Variants in NOX3 observed in about 807,000 individuals in gnomAD.
NOX3 encodes the protein NADPH oxidase catalytic subunit-like 3.
NOX3 carries 74 observed loss-of-function variants against 76.7 expected under a neutral mutation model. The ratio of observed to expected loss-of-function variants is 0.96; its 90% CI spans 0.80 to 1.17. The LOEUF (loss-of-function observed/expected upper bound fraction) is 1.17. Among genes scored for constraint, NOX3 ranks in the 50% most tolerant of loss-of-function variants. The probability of loss-of-function intolerance (pLI) is 0.00; values close to 1 mark genes in which losing one functional copy is unlikely to be tolerated. For missense variants in NOX3, 695 were observed against 703.3 expected, an observed-to-expected ratio of 0.99 and a Z score of 0.13; for synonymous variants, 263 against 261.1, an observed-to-expected ratio of 1.01 and a Z score of -0.07.
At chr6:155,396,066 A>T (rs1779134502) in intron 13 of NOX3, among the ~76,000 whole-genome samples, 1 of 152,184 alleles carries the variant, frequency 6.6e-6, no homozygotes, top group Non-Finnish European at 1.5e-5. Flanking sequence ...TTTTAAAAGG[A>T]TGTGAAGAGA....
chr6:155,407,362 T>A, intron 11 of NOX3, 108 bp from the exon 12 acceptor site: 2 of 1,080,238 alleles, frequency 1.9e-6, no homozygotes, highest in Non-Finnish European at 2.6e-6. Flanking sequence ...TAAAAATGTG[T>A]ACAGGGCTGG....
chr6:155,398,504 G>A (rs1779169685), intron 12 of NOX3, among the ~76,000 whole-genome samples: 1 of 152,204 alleles, frequency 6.6e-6, no homozygotes, highest in African/African-American at 2.4e-5. Context: ...AGTAGAAATT[G>A]ATGGTTCCCC....
At position 155,443,418 on chromosome 6, in the gene NOX3, G is replaced by T; in HGVS notation, c.341C>A (p.Thr114Asn). ...GAAGAAATGCGCCACGATGTGGATG[G>T]CTAGGACAAGGAGATGACACCAAAC... ...LVAYGIAVNATIHIVAHFFNL... is the reference protein window; with the variant it reads ...LVAYGIAVNANIHIVAHFFNL... Residue 114 changes from threonine to asparagine, a missense_variant and splice_region_variant, in exon 5 of 14, where the codon ACC (threonine) becomes AAC (asparagine). Thr to Asn is a moderately conservative substitution (Grantham distance 65, BLOSUM62 0). Transcript: ENST00000159060. 6.2e-7 allele frequency: 1 copy of T among 1,613,690 alleles called. No homozygotes were observed. The highest frequency in any genetic ancestry group is 8.5e-7 in the Non-Finnish European group (1 of 1,179,748).
rs367997156 is a variant in NOX3, at chr6:155,443,803, A to C, written c.341-385T>G. On this transcript the variant is annotated intron_variant, in intron 4 of 13. Transcript: ENST00000159060. ...AAAGCATTATTCTAGAGTACTGTACATTATACATGCTGATATGTATGTATA... is the reference window on the plus strand; with the variant it reads ...AAAGCATTATTCTAGAGTACTGTACCTTATACATGCTGATATGTATGTATA... Among the ~76,000 whole-genome samples, 5 of 152,074 alleles carry C rather than the reference A, an allele frequency of 3.3e-5. No homozygotes were observed. In the East Asian group the frequency reaches 9.7e-4, roughly 29 times the overall value.
intron 8 of NOX3, among the ~76,000 whole-genome samples, chr6:155,430,531 C>T (rs1359747476): frequency 6.6e-6 from 1 of 151,892 alleles, no homozygotes; most frequent in Non-Finnish European, 1.5e-5. Context: ...CACTATGACC[C>T]ATGTAAAGTA....
At chr6:155,448,201 C>CTG (rs1388120278) in intron 4 of NOX3, among the ~76,000 whole-genome samples, 2 of 152,142 alleles carry the variant, frequency 1.3e-5, no homozygotes, top group Admixed American at 1.3e-4. Context: ...CCCCTTCCAG[C>CTG]TGTGTGGCTC....
intron 7 of NOX3, among the ~76,000 whole-genome samples, chr6:155,431,895 C>T (rs939511745): frequency 2.6e-5 from 4 of 152,096 alleles, no homozygotes; most frequent in Non-Finnish European, 5.9e-5. Flanking sequence ...TTACCAGGAC[C>T]CCAGGCTACC....
intron 12 of NOX3, among the ~76,000 whole-genome samples, chr6:155,397,911 CTA>C (rs1385807674): frequency 6.6e-6 from 1 of 152,108 alleles, no homozygotes; most frequent in Non-Finnish European, 1.5e-5. Flanking sequence ...TTTCAGAAAA[CTA>C]TGTCAGAGAG....
Position 155,440,165 on chromosome 6 carries a change from GAAAC to G in NOX3, c.487-32_487-29del, listed in dbSNP as rs749296758. The G allele has an allele frequency of 1.4e-5, 20 of 1,471,834 alleles. No homozygotes were observed. The Admixed American group carries it at 2.6e-4, about 19-fold the overall frequency. 91.2% of individuals were successfully genotyped at this position (1,471,834 alleles called of 1,614,324 possible). ...AAAAAAAACAACAACAACAAAAAAA[GAAAC>G]AAACAAAAAAAAACACCTTGACATT... On this transcript the variant is annotated intron_variant, in intron 5 of 13. Transcript: ENST00000159060.
At chr6:155,445,969 A>ATATATATGCTATAT (rs1380551108) in intron 4 of NOX3, among the ~76,000 whole-genome samples, 1 of 96,662 alleles carries the variant, frequency 1.0e-5, no homozygotes, top group African/African-American at 4.2e-5. Context: ...ATATATATAT[A>ATATATATGCTATAT]ATATATATAT....
intron 10 of NOX3, among the ~76,000 whole-genome samples, chr6:155,413,942 T>C (rs774776289): frequency 1.3e-5 from 2 of 152,246 alleles, no homozygotes; most frequent in Non-Finnish European, 2.9e-5. Context: ...ATCCCCATCT[T>C]AGCTTCCTCC....
intron 12 of NOX3, among the ~76,000 whole-genome samples, chr6:155,405,440 G>A (rs1776437145): frequency 6.6e-6 from 1 of 152,078 alleles, no homozygotes; most frequent in African/African-American, 2.4e-5. Flanking sequence ...TGCCTGTCTG[G>A]TCATCTCATC....
At chr6:155,435,525 T>G (rs112828546) in intron 7 of NOX3, among the ~76,000 whole-genome samples, 1 of 50,096 alleles carries the variant, frequency 2.0e-5, no homozygotes, top group East Asian at 1.2e-3. Flanking sequence ...TATTTGAGGG[T>G]TTTTTTTTTA....
chr6:155,446,038 A>C (rs1428413233), intron 4 of NOX3, among the ~76,000 whole-genome samples: 4 of 148,672 alleles, frequency 2.7e-5, no homozygotes, highest in Non-Finnish European at 5.9e-5. Context: ...CTTTAAGTTG[A>C]AAATCAAGTC....
At chr6:155,445,659 A>C (rs1352737362) in intron 4 of NOX3, among the ~76,000 whole-genome samples, 1 of 151,990 alleles carries the variant, frequency 6.6e-6, no homozygotes, top group Non-Finnish European at 1.5e-5. Context: ...TTACTGTTGC[A>C]GTATCTATTT....
At chr6:155,451,557 T>C (rs1777140223) in intron 4 of NOX3, among the ~76,000 whole-genome samples, 1 of 152,220 alleles carries the variant, frequency 6.6e-6, no homozygotes, top group South Asian at 2.1e-4. Flanking sequence ...GAAATGTACA[T>C]GCCCAAAAGT....
chr6:155,415,710 C>A (rs1226580962), intron 10 of NOX3, among the ~76,000 whole-genome samples: 4 of 152,140 alleles, frequency 2.6e-5, no homozygotes, highest in Non-Finnish European at 5.9e-5. Context: ...TAGATTACTG[C>A]GTATGTAAAA....
At chr6:155,455,238 T>C (rs1355538795) in intron 1 of NOX3, 109 bp from the exon 2 acceptor site, 20 of 661,588 alleles carry the variant, frequency 3.0e-5, no homozygotes, top group Non-Finnish European at 5.3e-6. Context: ...TTCTCAATAT[T>C]AATCAGAATT....
intron 11 of NOX3, among the ~76,000 whole-genome samples, chr6:155,408,421 A>T (rs1405855899): frequency 6.6e-6 from 1 of 151,862 alleles, no homozygotes; most frequent in Non-Finnish European, 1.5e-5. Context: ...ATTCATTCTC[A>T]CCCTCTGACT....
Sources: gnomAD v4.1 joint callset for allele counts (sites outside exome capture counted in the v4.1 genomes callset) on GRCh38, gnomAD v4.1.1 for gene constraint, MANE v1.5 for transcripts, NCBI Gene and HGNC (gene_info 2026-07-23, HGNC 2026-07-21) for gene names.